Variants in DEFB119 observed in about 807,000 individuals in gnomAD.
The protein encoded by DEFB119 is defensin beta 119.
DEFB119 carries 3 observed loss-of-function variants against 2.5 expected under a neutral mutation model. That is an observed-to-expected ratio of 1.19 (90% CI 0.54 to 3.07). The LOEUF is 3.07. Among genes scored for constraint, DEFB119 ranks in the 30% most tolerant of loss-of-function variants. The pLI is 0.03. For missense variants in DEFB119, 113 were observed against 101.1 expected (o/e 1.12, Z -0.50); for synonymous variants, 29 against 33.7 (o/e 0.86, Z 0.48).
intron 1 of DEFB119, among the ~76,000 whole-genome samples, chr20:31,382,276 C>A (rs187862848): frequency 6.6e-6 from 1 of 152,098 alleles, no homozygotes; most frequent in Non-Finnish European, 1.5e-5. Flanking sequence ...ACCTAAGGGG[C>A]TATAGAGAGA....
At chr20:31,387,227 C>T (rs1281654525) in intron 1 of DEFB119, among the ~76,000 whole-genome samples, 2 of 152,120 alleles carry the variant, frequency 1.3e-5, no homozygotes. Context: ...ACTTTCTATA[C>T]GTTTATTGAA....
chr20:31,385,596 G>C (rs1986666901), intron 1 of DEFB119, among the ~76,000 whole-genome samples: 1 of 152,164 alleles, frequency 6.6e-6, no homozygotes, highest in African/African-American at 2.4e-5. Flanking sequence ...GCTGGGTGTG[G>C]TGGCTCATGA....
intron 1 of DEFB119, among the ~76,000 whole-genome samples, chr20:31,387,106 C>G (rs540416629): frequency 3.3e-5 from 5 of 152,108 alleles, no homozygotes; most frequent in Admixed American, 6.5e-5. Flanking sequence ...CGCACCCAGC[C>G]TATTGTGTAT....
intron 1 of DEFB119, among the ~76,000 whole-genome samples, chr20:31,383,836 C>T (rs1377398339): frequency 2.0e-5 from 3 of 151,600 alleles, no homozygotes; most frequent in Non-Finnish European, 2.9e-5. Context: ...GAGCAAGACT[C>T]TGTCTCAAAA....
chr20:31,377,520 C>A, intron 1 of DEFB119, 81 bp from the exon 2 acceptor site: 10 of 1,459,840 alleles, frequency 6.9e-6, no homozygotes, highest in Non-Finnish European at 8.3e-6. Flanking sequence ...ATCATAAAAA[C>A]CTAAAGGGGG....
chr20:31,388,226 T>A (rs1002782579), intron 1 of DEFB119: 80 of 984,978 alleles, frequency 8.1e-5, no homozygotes, highest in Non-Finnish European at 9.2e-5. Context: ...TCTGTCTCCC[T>A]CAGACTCTAA....
chr20:31,385,008 A>T (rs115920644), intron 1 of DEFB119, among the ~76,000 whole-genome samples: 1 of 152,244 alleles, frequency 6.6e-6, no homozygotes. Context: ...ACTGAAAAAA[A>T]TAAGCTACTG....
chr20:31,381,551 G>A (rs1295311672), intron 1 of DEFB119, among the ~76,000 whole-genome samples: 6 of 152,232 alleles, frequency 3.9e-5, no homozygotes, highest in African/African-American at 1.2e-4. Context: ...CAGTGCTCAC[G>A]CCTGTAATCC....
intron 1 of DEFB119, chr20:31,388,252 C>T (rs1452941346): frequency 1.4e-5 from 14 of 985,310 alleles, no homozygotes; most frequent in Non-Finnish European, 1.7e-5. Flanking sequence ...TTGGAAGGCA[C>T]ACAGTTCATA....
intron 1 of DEFB119, among the ~76,000 whole-genome samples, chr20:31,381,633 C>A (rs1212763342): frequency 6.6e-6 from 1 of 152,070 alleles, no homozygotes; most frequent in Non-Finnish European, 1.5e-5. Context: ...GGTGACATGG[C>A]AAAACCCATC....
chr20:31,385,785 G>C (rs1168566537), intron 1 of DEFB119, among the ~76,000 whole-genome samples: 1 of 151,992 alleles, frequency 6.6e-6, no homozygotes, highest in Non-Finnish European at 1.5e-5. Flanking sequence ...TGGGAGGATT[G>C]CTTGAGCCTG....
intron 1 of DEFB119, among the ~76,000 whole-genome samples, chr20:31,387,427 T>C (rs141214882): frequency 5.1e-3 from 775 of 152,336 alleles, no homozygotes; most frequent in Non-Finnish European, 9.2e-3. Flanking sequence ...TTAAATGTTT[T>C]AATCAAGCTA....
At chr20:31,389,090 C>G in intron 1 of DEFB119, 1 of 1,614,076 alleles carries the variant, frequency 6.2e-7, no homozygotes, top group South Asian at 1.1e-5. Flanking sequence ...GTGGTCCAGC[C>G]AAGGATTCCA....
intron 1 of DEFB119, among the ~76,000 whole-genome samples, chr20:31,384,089 G>A (rs573005327): frequency 1.3e-5 from 2 of 152,202 alleles, no homozygotes; most frequent in South Asian, 2.1e-4. Context: ...TAATACAATA[G>A]ATAAGGATAC....
intron 1 of DEFB119, among the ~76,000 whole-genome samples, chr20:31,388,718 C>T (rs185579162): frequency 6.6e-6 from 1 of 152,202 alleles, no homozygotes; most frequent in African/African-American, 2.4e-5. Context: ...AAGGATTCTC[C>T]CACTCTTTAG....
At chr20:31,389,117 G>A in intron 1 of DEFB119, 1 of 1,614,166 alleles carries the variant, frequency 6.2e-7, no homozygotes, top group Non-Finnish European at 8.5e-7. Flanking sequence ...GTTACTGGTT[G>A]GATTGTTAAA....
At position 31,387,335 on chromosome 20, in the gene DEFB119, A is replaced by T. The variant is rs529373685; in HGVS notation, c.61+3088T>A. On this transcript the variant is annotated intron_variant, in intron 1 of 1. Transcript: ENST00000376321. ...GTTATCAGCCAGAGCAGGATCCAATACCAGGCACAACCCTAACATTTGCAG... is the reference window on the plus strand; with the variant it reads ...GTTATCAGCCAGAGCAGGATCCAATTCCAGGCACAACCCTAACATTTGCAG... Among the ~76,000 whole-genome samples the T allele has an allele frequency of 1.3e-3, 194 of 152,328 alleles. 1 individual carries two copies. The highest frequency in any genetic ancestry group is 3.4e-3 in the Middle Eastern group (1 of 294).
chr20:31,381,395 T>C (rs1986500363), intron 1 of DEFB119, among the ~76,000 whole-genome samples: 1 of 152,272 alleles, frequency 6.6e-6, no homozygotes, highest in South Asian at 2.1e-4. Context: ...GACACCATTT[T>C]ATTCCTTCCT....
At chr20:31,379,188 T>C (rs1156573444) in intron 1 of DEFB119, among the ~76,000 whole-genome samples, 1 of 152,136 alleles carries the variant, frequency 6.6e-6, no homozygotes, top group African/African-American at 2.4e-5. Flanking sequence ...TCCACCCACC[T>C]CAGCCTCCCA....
Sources: allele counts gnomAD v4.1 joint callset (sites outside exome capture counted in the v4.1 genomes callset), GRCh38; gene constraint gnomAD v4.1.1; transcripts MANE v1.5; gene names NCBI Gene and HGNC (gene_info 2026-07-23, HGNC 2026-07-21).